The following CDH18 variants were observed in gnomAD, a reference collection of about 807,000 sequenced individuals.
CDH18 encodes cadherin-18.
A neutral mutation model predicts 67.9 loss-of-function variants in CDH18; 31 were observed. The observed-to-expected ratio is 0.46, with a 90% CI of 0.34 to 0.62. The LOEUF (loss-of-function observed/expected upper bound fraction) is 0.62. CDH18 is among the 20% of genes least tolerant of loss of function. The pLI, the probability that CDH18 is intolerant of heterozygous loss-of-function variation, is 0.01. For missense variants in CDH18, 890 were observed against 975.5 expected, an observed-to-expected ratio of 0.91 and a Z score of 1.17; for synonymous variants, 362 against 347.2, an observed-to-expected ratio of 1.04 and a Z score of -0.48.
intron 4 of CDH18, among the ~76,000 whole-genome samples, chr5:19,742,036 G>A (rs536663127): frequency 6.6e-6 from 1 of 152,034 alleles, no homozygotes; most frequent in Non-Finnish European, 1.5e-5. Context: ...AGATCAAAAA[G>A]ATACATGCAA....
At chr5:20,574,063 C>T (rs1279862649) in intron 1 of CDH18, among the ~76,000 whole-genome samples, 3 of 150,860 alleles carry the variant, frequency 2.0e-5, no homozygotes, top group Admixed American at 6.6e-5. Flanking sequence ...TTCCAAAATT[C>T]ATATCAACAA....
At chr5:20,477,070 G>T (rs1346856587) in intron 1 of CDH18, among the ~76,000 whole-genome samples, 1 of 152,116 alleles carries the variant, frequency 6.6e-6, no homozygotes. Context: ...TCTGTGGATT[G>T]CTTTACAGAG....
At chr5:20,236,697 A>T (rs1742498276) in intron 2 of CDH18, among the ~76,000 whole-genome samples, 1 of 152,068 alleles carries the variant, frequency 6.6e-6, no homozygotes, top group African/African-American at 2.4e-5. Flanking sequence ...ATTTGCATTT[A>T]AAAAGTTCAA....
chr5:19,873,227 A>G (rs1031611878), intron 2 of CDH18, among the ~76,000 whole-genome samples: 1 of 151,230 alleles, frequency 6.6e-6, no homozygotes, highest in East Asian at 1.9e-4. Context: ...AAGCCTGAAC[A>G]AGCATGGCTC....
intron 2 of CDH18, among the ~76,000 whole-genome samples, chr5:19,947,991 C>T (rs963161111): frequency 6.6e-5 from 10 of 152,232 alleles, no homozygotes; most frequent in Middle Eastern, 3.4e-3. Context: ...AGACCTTTCA[C>T]TGAAGGCAAT....
At chr5:20,487,297 A>G (rs73764422) in intron 1 of CDH18, among the ~76,000 whole-genome samples, 5,001 of 151,426 alleles carry the variant, frequency 0.033, 273 homozygotes, top group African/African-American at 0.11. Context: ...TCATCTAAAA[A>G]TGTTTTATCC....
intron 1 of CDH18, among the ~76,000 whole-genome samples, chr5:20,341,167 A>G (rs540828474): frequency 2.6e-5 from 4 of 152,242 alleles, no homozygotes; most frequent in Admixed American, 2.0e-4. Flanking sequence ...GAAGGATGCA[A>G]TATTGATCCT....
intron 3 of CDH18, among the ~76,000 whole-genome samples, chr5:19,797,435 A>G (rs1415853474): frequency 2.6e-5 from 4 of 151,972 alleles, no homozygotes; most frequent in East Asian, 1.9e-4. Flanking sequence ...GCAAATCCCA[A>G]TGAATCTACA....
intron 3 of CDH18, 69 bp from the exon 4 acceptor site, chr5:19,747,305 C>T: frequency 1.6e-6 from 2 of 1,278,126 alleles, no homozygotes; most frequent in East Asian, 2.3e-5. Context: ...TCTCTGAAAA[C>T]TCCCTATCTA....
intron 2 of CDH18, among the ~76,000 whole-genome samples, chr5:19,945,028 G>A (rs1385581378): frequency 1.3e-5 from 2 of 152,152 alleles, no homozygotes; most frequent in Non-Finnish European, 2.9e-5. Context: ...GACACTAAGT[G>A]TGGATCCCCC....
chr5:20,204,476 T>C (rs1054146073), intron 2 of CDH18, among the ~76,000 whole-genome samples: 10 of 152,144 alleles, frequency 6.6e-5, no homozygotes, highest in African/African-American at 2.2e-4. Context: ...ACAGGACCTA[T>C]TTTACAAGAA....
At chr5:19,917,705 T>A (rs1047850652) in intron 2 of CDH18, among the ~76,000 whole-genome samples, 7 of 152,184 alleles carry the variant, frequency 4.6e-5, no homozygotes, top group African/African-American at 1.7e-4. Flanking sequence ...AAGAACCTAT[T>A]GTGAACTCTT....
upstream of CDH18, among the ~76,000 whole-genome samples, chr5:19,988,599 G>C (rs537013504): frequency 1.3e-5 from 2 of 152,200 alleles, no homozygotes; most frequent in South Asian, 2.1e-4. Flanking sequence ...ATTCTCTGCG[G>C]GGGAGGGGAA....
intron 2 of CDH18, among the ~76,000 whole-genome samples, chr5:19,849,970 C>T (rs1290328569): frequency 2.0e-5 from 3 of 151,638 alleles, no homozygotes; most frequent in Non-Finnish European, 4.4e-5. Flanking sequence ...TGTCTTAGTC[C>T]AGCATCTTTT....
chr5:19,504,852 G>A (rs1743839820), intron 10 of CDH18, among the ~76,000 whole-genome samples: 1 of 152,052 alleles, frequency 6.6e-6, no homozygotes, highest in Non-Finnish European at 1.5e-5. Context: ...ATTTCGGAGT[G>A]ATTGGTGAAG....
At chr5:19,662,717 T>G (rs2150317496) in intron 5 of CDH18, among the ~76,000 whole-genome samples, 1 of 152,180 alleles carries the variant, frequency 6.6e-6, no homozygotes, top group Non-Finnish European at 1.5e-5. Flanking sequence ...TGAGCTTTTC[T>G]TTTACTCATG....
chr5:19,978,360 A>G (rs1341084604), intron 2 of CDH18, among the ~76,000 whole-genome samples: 1 of 152,164 alleles, frequency 6.6e-6, no homozygotes, highest in African/African-American at 2.4e-5. Flanking sequence ...TTTGAGCAAT[A>G]TAACAATTCC....
chr5:19,913,608 G>A (rs1791407477), intron 2 of CDH18, among the ~76,000 whole-genome samples: 2 of 152,152 alleles, frequency 1.3e-5, no homozygotes, highest in East Asian at 1.9e-4. Flanking sequence ...CACGAGGTTA[G>A]GTGCATGTGC....
intron 9 of CDH18, among the ~76,000 whole-genome samples, chr5:19,541,023 C>T (rs183652687): frequency 2.1e-4 from 32 of 152,160 alleles, no homozygotes; most frequent in Non-Finnish European, 4.1e-4. Context: ...TTATGCTCTG[C>T]TTCCTCTTGA....
Sources: allele counts gnomAD v4.1 joint callset (sites outside exome capture counted in the v4.1 genomes callset), GRCh38; gene constraint gnomAD v4.1.1; transcripts MANE v1.5; gene names NCBI Gene and HGNC (gene_info 2026-07-23, HGNC 2026-07-21).